COL4A6: variants seen among roughly 807,000 people sequenced by gnomAD.
COL4A6 encodes the protein collagen alpha-6(IV) chain.
A neutral mutation model predicts 126.7 loss-of-function variants in COL4A6; 59 were observed. The ratio of observed to expected loss-of-function variants is 0.47; its 90% CI spans 0.38 to 0.58. The LOEUF is 0.58. Ranked by LOEUF, COL4A6 falls within the 20% of genes least tolerant of loss-of-function variation. The pLI, the probability that COL4A6 is intolerant of heterozygous loss-of-function variation, is 0.00. For missense variants in COL4A6, 1,285 were observed against 1,337.3 expected, an observed-to-expected ratio of 0.96 and a Z score of 0.61; for synonymous variants, 547 against 496.6, an observed-to-expected ratio of 1.10 and a Z score of -1.35.
At chrX:108,161,239 G>A (rs1026350287) in intron 42 of COL4A6, among the ~76,000 whole-genome samples, 2 of 111,411 alleles carry the variant, frequency 1.8e-5, no homozygotes, top group Admixed American at 9.5e-5. Flanking sequence ...GGACAGCCAC[G>A]CCTTAACTCA....
At chrX:108,431,855 CTT>C (rs1569466074) in intron 2 of COL4A6, among the ~76,000 whole-genome samples, 1 of 111,937 alleles carries the variant, frequency 8.9e-6, no homozygotes, top group Non-Finnish European at 1.9e-5. Flanking sequence ...CTGGGGCAGA[CTT>C]TTCTTCTGTT....
At chrX:108,175,504 T>C in intron 29 of COL4A6, 150 bp downstream of exon 29, 1 of 647,309 alleles carries the variant, frequency 1.5e-6, no homozygotes. Context: ...GGATTAAGTC[T>C]TTTGGTTTAA....
At chrX:108,279,512 A>G (rs1294837584) in intron 3 of COL4A6, among the ~76,000 whole-genome samples, 4 of 111,708 alleles carry the variant, frequency 3.6e-5, no homozygotes, top group Admixed American at 1.9e-4. Flanking sequence ...AGTGACCTAC[A>G]AAGAGACTTA....
rs753052331 is a variant in COL4A6 at position 108,178,907 on chromosome X, A to G, written c.2354-62T>C. ...GAGATAGCAGTGAGTGGGTCAGCAAACCAACTTCCAGGACTTATCCCAGGT... is the reference window on the plus strand; with the variant it reads ...GAGATAGCAGTGAGTGGGTCAGCAAGCCAACTTCCAGGACTTATCCCAGGT... On this transcript the variant is annotated intron_variant, in intron 26 of 44. Transcript: ENST00000334504. 4.5e-6 allele frequency: 5 copies of G among 1,116,404 alleles called. No homozygotes were observed. In the East Asian group the frequency reaches 1.2e-4, roughly 27 times the overall value. The allele number at this position is 1,116,404 out of a possible 1,213,427, so 92.0% of individuals were successfully genotyped here. A position where few individuals can be genotyped will look rare whatever the true frequency, so the allele number is the denominator to read the frequency against.
rs1282505580 is a variant in COL4A6, at chrX:108,195,088, C to T, written c.942G>A (p.Gly314=). 14 of 1,201,538 alleles carry T rather than the reference C, an allele frequency of 1.2e-5. No individual in the cohort carries two copies. Among genetic ancestry groups the T allele is most frequent in the Admixed American group, 2.2e-5 (1 of 45,220 alleles). The change falls in exon 15 of 45, where the codon GGG becomes GGA. Residue 314 remains glycine, a synonymous_variant. Transcript: ENST00000334504. ...MGSEGVQGPP[G]QQGKKGTLGF... is the part of the protein sequence containing the mutation. ...ATGATATTAACCAAAATACCTGTTGCCCTGGAGGGCCTTGGACTCCTTCTG... is the reference window on the plus strand; with the variant it reads ...ATGATATTAACCAAAATACCTGTTGTCCTGGAGGGCCTTGGACTCCTTCTG...
chrX:108,331,088 C>T (rs1377256716), intron 2 of COL4A6, among the ~76,000 whole-genome samples: 1 of 111,745 alleles, frequency 8.9e-6, no homozygotes, highest in African/African-American at 3.3e-5. Flanking sequence ...CCCGCCTTGA[C>T]CTACCTTTGT....
rs779066248 is a variant in COL4A6, at chrX:108,304,373, C to T, written c.144+6375G>A. On this transcript the variant is annotated intron_variant, in intron 3 of 44. Coordinates refer to ENST00000334504, the MANE Select transcript of COL4A6 (RefSeq NM_033641.4). Reference sequence around the variant, plus strand: ...TAACACTATCATTAATTATCCTGAACCGAAAGAACCATATGTAAATATACA... The same window carrying T: ...TAACACTATCATTAATTATCCTGAATCGAAAGAACCATATGTAAATATACA... Among the ~76,000 whole-genome samples the T allele has an allele frequency of 3.6e-5, 4 of 111,526 alleles. No homozygotes were observed. In the South Asian group the frequency reaches 1.5e-3, roughly 43 times the overall value.
At position 108,180,962 on chromosome X, in the gene COL4A6, G is replaced by T; in HGVS notation, c.1958C>A (p.Thr653Asn). ...QQGLPGSKGI[T>N]LPCIIPGSYG... The stretch of plus-strand genomic sequence containing the variant: ...TGACCCAGGAATAATACAGGGCAGG[G>T]TGATTCCTGTAAATGGTAACATGTG... The change falls in exon 24 of 45, where the codon ACC (threonine) becomes AAC (asparagine). Residue 653 changes from threonine (T) to asparagine (N), a missense_variant. Physicochemically the swap from Thr to Asn is moderately conservative, Grantham distance 65. Coordinates refer to ENST00000334504, the MANE Select transcript of COL4A6 (RefSeq NM_033641.4). 8.3e-7 allele frequency: 1 copy of T among 1,206,785 alleles called. No individual in the cohort carries two copies.
At chrX:108,268,053 A>G (rs916579149) in intron 3 of COL4A6, 2 of 112,154 alleles carry the variant, frequency 1.8e-5, no homozygotes, top group Non-Finnish European at 3.8e-5. Flanking sequence ...GTTGTGTGGA[A>G]GCAGAAATAT....
At chrX:108,222,894 G>A (rs1387332059) in intron 3 of COL4A6, among the ~76,000 whole-genome samples, 2 of 111,574 alleles carry the variant, frequency 1.8e-5, no homozygotes, top group Non-Finnish European at 3.8e-5. Flanking sequence ...GTATATGTGT[G>A]TATAATGCAT....
chrX:108,325,720 GACC>G (rs2039139932), intron 2 of COL4A6, among the ~76,000 whole-genome samples: 1 of 109,631 alleles, frequency 9.1e-6, no homozygotes, highest in African/African-American at 3.3e-5. Context: ...GGTACATTAT[GACC>G]AAGTTCAGTT....
intron 3 of COL4A6, among the ~76,000 whole-genome samples, chrX:108,236,685 G>A (rs2036437318): frequency 9.0e-6 from 1 of 111,522 alleles, no homozygotes; most frequent in Admixed American, 9.5e-5. Context: ...AAACTTCATG[G>A]TAAACCAGCC....
chrX:108,184,306 G>T (rs947410497), intron 23 of COL4A6, among the ~76,000 whole-genome samples: 1 of 112,423 alleles, frequency 8.9e-6, no homozygotes, highest in Non-Finnish European at 1.9e-5. Context: ...GTAATTTCTT[G>T]AAACTCTTCA....
At chrX:108,423,175 A>G (rs1035956244) in intron 2 of COL4A6, among the ~76,000 whole-genome samples, 12 of 112,083 alleles carry the variant, frequency 1.1e-4, no homozygotes, top group Non-Finnish European at 2.1e-4. Flanking sequence ...ACAAATGGCA[A>G]TAAACACATA....
At chrX:108,319,334 G>GT (rs1321925983) in intron 2 of COL4A6, among the ~76,000 whole-genome samples, 1 of 112,307 alleles carries the variant, frequency 8.9e-6, no homozygotes, top group Non-Finnish European at 1.9e-5. Context: ...CCCAGCCTGA[G>GT]TGACAGAGTG....
chrX:108,324,424 G>A (rs928209814), intron 2 of COL4A6, among the ~76,000 whole-genome samples: 5 of 111,890 alleles, frequency 4.5e-5, no homozygotes, highest in African/African-American at 1.6e-4. Flanking sequence ...TAAAATAGAA[G>A]CCTCTTTTTC....
chrX:108,198,785 A>G, intron 13 of COL4A6, among the ~76,000 whole-genome samples: 1 of 110,951 alleles, frequency 9.0e-6, no homozygotes, highest in Non-Finnish European at 1.9e-5. Flanking sequence ...GGCTCAACTG[A>G]AGAACCCCAC....
intron 2 of COL4A6, among the ~76,000 whole-genome samples, chrX:108,426,291 A>T (rs1269359288): frequency 8.9e-6 from 1 of 112,124 alleles, no homozygotes; most frequent in Non-Finnish European, 1.9e-5. Flanking sequence ...AGACCAATTC[A>T]GCCTCAGAGC....
chrX:108,303,137 A>G (rs1002208459), intron 3 of COL4A6, among the ~76,000 whole-genome samples: 9 of 110,375 alleles, frequency 8.2e-5, no homozygotes, highest in African/African-American at 3.0e-4. Context: ...GTGCTGATAA[A>G]TGACAAAAAA....
Sources: allele counts gnomAD v4.1 joint callset (sites outside exome capture counted in the v4.1 genomes callset), GRCh38; gene constraint gnomAD v4.1.1; transcripts MANE v1.5; gene names NCBI Gene and HGNC (gene_info 2026-07-23, HGNC 2026-07-21).